COG3: variants seen among roughly 807,000 people sequenced by gnomAD.
COG3 encodes conserved oligomeric Golgi complex subunit 3.
COG3 carries 32 observed loss-of-function variants against 114.1 expected under a neutral mutation model. The ratio of observed to expected loss-of-function variants is 0.28; its 90% confidence interval spans 0.21 to 0.38. COG3 has a LOEUF of 0.38. Among genes scored for constraint, COG3 ranks in the 10% least tolerant of loss-of-function variants. COG3 has a pLI of 1.00. For missense variants in COG3, 813 were observed against 973.2 expected, an observed-to-expected ratio of 0.84 and a Z score of 2.19; for synonymous variants, 352 against 365.7, an observed-to-expected ratio of 0.96 and a Z score of 0.43.
intron 20 of COG3, among the ~76,000 whole-genome samples, chr13:45,527,639 G>C (rs971901330): frequency 1.3e-5 from 2 of 152,100 alleles, no homozygotes; most frequent in Non-Finnish European, 2.9e-5. Flanking sequence ...AGGAGAGTGA[G>C]TTATAAATTA....
In COG3 at chr13:45,534,719, G is replaced by A. The variant is rs2985989; in HGVS notation, c.2475G>A (p.Leu825=). 0.83 allele frequency: 1,292,142 copies of A among 1,563,940 alleles called. 535,201 individuals are homozygous for A. Among genetic ancestry groups the A allele is most frequent in the Middle Eastern group, 0.91 (5,423 of 5,990 alleles). ...CTTTTCAGCTGAGCCTTCTGCTGTT[G>A]GTTTCTAAATAAGCAGGCCAGCCGG... is the stretch of plus-strand genomic sequence containing the variant. ...PSMEQLSLLL[L]VSK The change falls in exon 23 of 23, where the codon TTG becomes TTA. Residue 825 remains leucine (L), a synonymous_variant. Coordinates refer to ENST00000349995, the MANE Select transcript of COG3 (RefSeq NM_031431.4).
chr13:45,507,999 G>T (rs1053554698), intron 14 of COG3, among the ~76,000 whole-genome samples: 2 of 148,456 alleles, frequency 1.3e-5, no homozygotes, highest in African/African-American at 5.0e-5. Flanking sequence ...AACCCAGGAG[G>T]TGGAGGTTGC....
At chr13:45,500,138 A>G (rs1206653625) in intron 13 of COG3, among the ~76,000 whole-genome samples, 1 of 150,302 alleles carries the variant, frequency 6.7e-6, no homozygotes, top group African/African-American at 2.5e-5. Context: ...TGATTATTTT[A>G]TTTGAAAAAT....
chr13:45,480,360 T>G, intron 4 of COG3, 70 bp downstream of exon 4: 2 of 1,081,830 alleles, frequency 1.8e-6, no homozygotes, highest in Non-Finnish European at 2.6e-6. Flanking sequence ...ACAGTTTTAT[T>G]TTAATTTTCT....
chr13:45,494,948 T>C, intron 12 of COG3, among the ~76,000 whole-genome samples: 1 of 146,928 alleles, frequency 6.8e-6, no homozygotes, highest in African/African-American at 2.5e-5. Context: ...CGGGTTCAAG[T>C]GATTCTCCTG....
At chr13:45,505,165 C>T (rs1272862511) in intron 14 of COG3, among the ~76,000 whole-genome samples, 2 of 148,134 alleles carry the variant, frequency 1.4e-5, no homozygotes, top group East Asian at 2.0e-4. Flanking sequence ...CCAGCCTGGG[C>T]GACAGAGTGA....
Position 45,476,916 on chromosome 13 carries a change from G to A in COG3, c.321+569G>A, listed in dbSNP as rs529827140. Reference sequence around the variant, plus strand: ...TGACCAAATAAAACATAAAGTACATGTGTTGGAACTGGATTACATATATAG... The same window carrying A: ...TGACCAAATAAAACATAAAGTACATATGTTGGAACTGGATTACATATATAG... On this transcript the variant is annotated intron_variant, in intron 2 of 22. Coordinates refer to ENST00000349995, the MANE Select transcript of COG3 (RefSeq NM_031431.4). Among the ~76,000 whole-genome samples the A allele has an allele frequency of 1.5e-3, 222 of 152,228 alleles. 2 individuals are homozygous for A. Among genetic ancestry groups the A allele is most frequent in the African/African-American group, 4.5e-3 (188 of 41,530 alleles).
chr13:45,486,989 A>G (rs1886710281), intron 8 of COG3, among the ~76,000 whole-genome samples: 1 of 152,214 alleles, frequency 6.6e-6, no homozygotes, highest in Admixed American at 6.5e-5. Context: ...TGTCGTGCTA[A>G]TTTAGGAAAA....
At chr13:45,491,048 C>A in intron 9 of COG3, 90 bp downstream of exon 9, 1 of 855,488 alleles carries the variant, frequency 1.2e-6, no homozygotes, top group Non-Finnish European at 1.9e-6. Context: ...ATTTTATGAG[C>A]AATTGCCTTC....
rs1452547549 is a variant in COG3, at chr13:45,493,627, G to T, written c.1327+141G>T. ...TTGGCTTGATGCCTTACCCCTTCTT[G>T]AATGAAGTTGCACCTTATTCTGTCA... is the stretch of plus-strand genomic sequence containing the variant. On this transcript the variant is annotated intron_variant, in intron 12 of 22. Coordinates refer to ENST00000349995, the MANE Select transcript of COG3 (RefSeq NM_031431.4). 1.0e-5 allele frequency: 6 copies of T among 586,952 alleles called. No homozygotes were observed. The African/African-American group carries it at 1.1e-4, about 11-fold the overall frequency. The allele number at this position is 586,952 out of a possible 1,614,324, so 36.4% of individuals were successfully genotyped here. A position where few individuals can be genotyped will look rare whatever the true frequency, so the allele number is the denominator to read the frequency against.
intron 21 of COG3, 148 bp from the exon 22 acceptor site, chr13:45,530,534 T>G (rs1463042775): frequency 2.6e-5 from 15 of 578,992 alleles, no homozygotes; most frequent in Non-Finnish European, 4.7e-5. Context: ...AGCACTGAAA[T>G]ATTAAGAGCA....
intron 1 of COG3, among the ~76,000 whole-genome samples, chr13:45,472,735 A>G (rs1197785560): frequency 6.6e-6 from 1 of 151,976 alleles, no homozygotes; most frequent in African/African-American, 2.4e-5. Flanking sequence ...GTATCTGTTT[A>G]TACTTCTTAT....
intron 13 of COG3, among the ~76,000 whole-genome samples, chr13:45,502,864 A>G (rs956698110): frequency 2.6e-5 from 4 of 152,130 alleles, no homozygotes; most frequent in Non-Finnish European, 5.9e-5. Flanking sequence ...AATGACTGTT[A>G]GGTCTTCATT....
In COG3 at chr13:45,486,297, C is replaced by T. The variant is rs572350101; in HGVS notation, c.844-198C>T. Among the ~76,000 whole-genome samples, 57 of 57,706 alleles carry T rather than the reference C, an allele frequency of 9.9e-4. 5 individuals carry two copies. The highest frequency in any genetic ancestry group is 5.4e-3 in the African/African-American group (52 of 9,708). The allele number at this position is 57,706 out of a possible 152,430, so 37.9% of individuals were successfully genotyped here. ...GCATGAGAGGGAGACCATCGGGAGA[C>T]GGGAGACGGGAGACGGGAGACGGGA... On this transcript the variant is annotated intron_variant, in intron 7 of 22. Coordinates refer to ENST00000349995, the MANE Select transcript of COG3 (RefSeq NM_031431.4).
chr13:45,520,279 CTG>C (rs940725446), intron 19 of COG3, among the ~76,000 whole-genome samples: 5 of 98,682 alleles, frequency 5.1e-5, no homozygotes, highest in African/African-American at 1.2e-4. Context: ...CAGAGTGAGA[CTG>C]TCTCAAAAAA....
intron 14 of COG3, among the ~76,000 whole-genome samples, chr13:45,508,726 A>C (rs188421754): frequency 6.6e-5 from 10 of 152,232 alleles, no homozygotes; most frequent in Non-Finnish European, 1.3e-4. Context: ...TGGTCCCTCG[A>C]CCCAGAAGTG....
chr13:45,510,453 A>G (rs1000070983), intron 15 of COG3, among the ~76,000 whole-genome samples: 3 of 152,180 alleles, frequency 2.0e-5, no homozygotes, highest in Non-Finnish European at 2.9e-5. Flanking sequence ...AGGTTTGGAT[A>G]TTTGGCATCT....
At chr13:45,532,565 T>G (rs1394368364) in intron 22 of COG3, among the ~76,000 whole-genome samples, 1 of 57,318 alleles carries the variant, frequency 1.7e-5, no homozygotes, top group African/African-American at 4.2e-5. Flanking sequence ...CCATTGTTTT[T>G]TTTTTTTTTT....
intron 14 of COG3, among the ~76,000 whole-genome samples, chr13:45,508,068 TAAAAAAAAAAAA>T (rs10571583): frequency 2.8e-4 from 9 of 32,270 alleles, no homozygotes; most frequent in African/African-American, 6.4e-4. Context: ...AGGTCCAACC[TAAAAAAAAAAAA>T]AAAAAAAAAA....
Sources: gnomAD v4.1 joint callset for allele counts (sites outside exome capture counted in the v4.1 genomes callset) on GRCh38, gnomAD v4.1.1 for gene constraint, MANE v1.5 for transcripts, NCBI Gene and HGNC (gene_info 2026-07-23, HGNC 2026-07-21) for gene names.